Variants in IFIH1 observed in about 807,000 individuals in gnomAD.
IFIH1 encodes interferon-induced helicase C domain-containing protein 1.
IFIH1 carries 125 observed loss-of-function variants against 107.4 expected under a neutral mutation model. The ratio of observed to expected loss-of-function variants is 1.16; its 90% CI spans 1.01 to 1.35. The LOEUF (loss-of-function observed/expected upper bound fraction) is 1.35, where lower values mean the gene tolerates loss of function less well. IFIH1 is among the 40% of genes most tolerant of loss of function. The pLI, the probability that IFIH1 is intolerant of heterozygous loss-of-function variation, is 0.00. For synonymous variants in IFIH1, 458 were observed against 413.2 expected (o/e 1.11, Z -1.31); for missense variants, 1,333 against 1,213.7 (o/e 1.10, Z -1.46).
chr2:162,286,302 A>C (rs1417507664), intron 5 of IFIH1, among the ~76,000 whole-genome samples: 1 of 151,958 alleles, frequency 6.6e-6, no homozygotes, highest in Non-Finnish European at 1.5e-5. Context: ...TTGCAGAGGA[A>C]GGAACTCTAA....
At chr2:162,308,641 G>A (rs895393712) in intron 2 of IFIH1, among the ~76,000 whole-genome samples, 1 of 152,168 alleles carries the variant, frequency 6.6e-6, no homozygotes, top group Non-Finnish European at 1.5e-5. Flanking sequence ...GCCTCCCAAA[G>A]TGCTGGGATT....
intron 9 of IFIH1, among the ~76,000 whole-genome samples, chr2:162,277,975 T>G (rs1424348976): frequency 6.6e-6 from 1 of 152,152 alleles, no homozygotes; most frequent in African/African-American, 2.4e-5. Flanking sequence ...ACAGAGCTAT[T>G]AAAGTTTATC....
At chr2:162,296,228 A>G (rs752042254) in intron 3 of IFIH1, among the ~76,000 whole-genome samples, 3 of 152,108 alleles carry the variant, frequency 2.0e-5, no homozygotes, top group Non-Finnish European at 4.4e-5. Flanking sequence ...GGAGCTATTT[A>G]TGCAATGTGC....
intron 3 of IFIH1, among the ~76,000 whole-genome samples, chr2:162,304,960 A>G (rs1041272926): frequency 6.6e-6 from 1 of 152,206 alleles, no homozygotes. Context: ...ATATGTTTTT[A>G]AAAAGCAAAC....
In IFIH1 at chr2:162,277,419, A is replaced by T; in HGVS notation, c.2040T>A (p.Phe680Leu). ...ATATGTTACTTTGAATCTTACCAAAAAATAAAGTCATGAGAAATCTATCTG... is the reference window on the plus strand; with the variant it reads ...ATATGTTACTTTGAATCTTACCAAATAATAAAGTCATGAGAAATCTATCTG... ...DETDRFLMTL[F>L]FENNKMLKRL... The change falls in exon 10 of 16, where the codon TTT (phenylalanine) becomes TTA (leucine). Residue 680 changes from phenylalanine to leucine, a missense_variant. Coordinates refer to ENST00000649979, the MANE Select transcript of IFIH1 (RefSeq NM_022168.4). 1.2e-6 allele frequency: 2 copies of T among 1,606,156 alleles called. No homozygotes were observed. Among genetic ancestry groups the T allele is most frequent in the Non-Finnish European group, 1.7e-6 (2 of 1,174,624 alleles).
intron 4 of IFIH1, among the ~76,000 whole-genome samples, chr2:162,289,515 T>C (rs1444257861): frequency 6.6e-6 from 1 of 151,918 alleles, no homozygotes; most frequent in Non-Finnish European, 1.5e-5. Flanking sequence ...CCATATTTCA[T>C]CACACATGAA....
chr2:162,285,094 T>C (rs538945509), intron 5 of IFIH1, among the ~76,000 whole-genome samples: 1 of 152,068 alleles, frequency 6.6e-6, no homozygotes, highest in Admixed American at 6.6e-5. Flanking sequence ...GGGAGGTGTG[T>C]GGTCCTCTTG....
In IFIH1 at chr2:162,276,809, G is replaced by A. The variant is rs201193151; in HGVS notation, c.2182C>T (p.Arg728Ter). The change falls in exon 11 of 16, where the codon CGA becomes TGA. Residue 728 changes from arginine (R) to a stop codon, truncating the protein, a stop_gained. Transcript: ENST00000649979. LOFTEE classifies it high-confidence loss of function. ...TGGGAAAGCGCATATGCACTCTGTC[G>A]TGTTTTTGTAAAGATTATTCCTCGT... ...SARGIIFTKT[R>*]QSAYALSQWI... The A allele has an allele frequency of 2.3e-5, 37 of 1,613,844 alleles. 1 individual carries two copies. The highest frequency in any genetic ancestry group is 8.0e-5 in the African/African-American group (6 of 74,900).
intron 1 of IFIH1, among the ~76,000 whole-genome samples, chr2:162,314,471 TCTTTCTTTCTTTC>T: frequency 7.6e-6 from 1 of 131,994 alleles, no homozygotes; most frequent in South Asian, 2.2e-4. Context: ...TTTCTTTCTT[TCTTTCTTTCTTTC>T]TTTTTCTTTC....
At position 162,304,095 on chromosome 2, in the gene IFIH1, A is replaced by C. The variant is rs147747615; in HGVS notation, c.769+2614T>G. ...AAATGAAAAACAACAACAACAACAA[A>C]AAAAACTATCCTGTATAAGCTTTGC... On this transcript the variant is annotated intron_variant, in intron 3 of 15. Transcript: ENST00000649979. Among the ~76,000 whole-genome samples the C allele has an allele frequency of 5.3e-4, 80 of 152,306 alleles. No individual in the cohort carries two copies. The East Asian group carries it at 8.3e-3, about 16-fold the overall frequency.
At position 162,310,745 on chromosome 2, in the gene IFIH1, C is replaced by A; in HGVS notation, c.622+20G>T. 1 of 1,602,924 alleles carries A rather than the reference C, an allele frequency of 6.2e-7. No homozygotes were observed. The highest frequency in any genetic ancestry group is 8.5e-7 in the Non-Finnish European group (1 of 1,170,720). ...ACTAGGCAGAATTTGAAGAATCTTCCTCAGTAAAATTACAAATACCTGCAT... is the reference window on the plus strand; with the variant it reads ...ACTAGGCAGAATTTGAAGAATCTTCATCAGTAAAATTACAAATACCTGCAT... On this transcript the variant is annotated intron_variant, in intron 2 of 15. Transcript: ENST00000649979.
intron 13 of IFIH1, among the ~76,000 whole-genome samples, 186 bp downstream of exon 13, chr2:162,272,040 T>C (rs368362673): frequency 2.0e-5 from 3 of 152,322 alleles, no homozygotes; most frequent in East Asian, 1.9e-4. Context: ...AATGGCTCCC[T>C]GATAATTTCC....
At chr2:162,286,441 C>T (rs959401702) in intron 5 of IFIH1, among the ~76,000 whole-genome samples, 6 of 152,046 alleles carry the variant, frequency 3.9e-5, no homozygotes, top group African/African-American at 1.4e-4. Context: ...AGTGAGAGAA[C>T]CACTCTGCAA....
intron 2 of IFIH1, chr2:162,310,104 A>G (rs1328649485): frequency 1.3e-5 from 2 of 152,354 alleles, no homozygotes; most frequent in African/African-American, 2.4e-5. Flanking sequence ...TTTTTACAGC[A>G]AAGTTTTCAT....
chr2:162,306,934 T>C (rs1683291710), intron 2 of IFIH1, 79 bp from the exon 3 acceptor site: 2 of 1,306,848 alleles, frequency 1.5e-6, no homozygotes, highest in Non-Finnish European at 2.2e-6. Flanking sequence ...TATTGTTATT[T>C]TGAAAACAAA....
chr2:162,314,484 C>CTTTCTTTCTTTCTT (rs1553461384), intron 1 of IFIH1, among the ~76,000 whole-genome samples: 5 of 96,962 alleles, frequency 5.2e-5, no homozygotes, highest in African/African-American at 3.4e-4. Context: ...TTCTTTCTTT[C>CTTTCTTTCTTTCTT]TTTTTCTTTC....
intron 3 of IFIH1, among the ~76,000 whole-genome samples, chr2:162,295,603 C>T (rs1049529321): frequency 1.3e-5 from 2 of 151,956 alleles, no homozygotes; most frequent in African/African-American, 4.8e-5. Context: ...ATTAGCACAA[C>T]ATAAATATAC....
At chr2:162,270,555 G>A (rs1453421967) in intron 13 of IFIH1, among the ~76,000 whole-genome samples, 1 of 152,128 alleles carries the variant, frequency 6.6e-6, no homozygotes, top group East Asian at 1.9e-4. Flanking sequence ...TTTTAGGAGG[G>A]CAGGTTTCTT....
chr2:162,272,723 C>T (rs1256586790), intron 12 of IFIH1, among the ~76,000 whole-genome samples: 4 of 152,050 alleles, frequency 2.6e-5, no homozygotes, highest in South Asian at 2.1e-4. Context: ...ACTGAGGAGT[C>T]GTCTTTCTTG....
Sources: allele counts gnomAD v4.1 joint callset (sites outside exome capture counted in the v4.1 genomes callset), GRCh38; gene constraint gnomAD v4.1.1; transcripts MANE v1.5; gene names NCBI Gene and HGNC (gene_info 2026-07-23, HGNC 2026-07-21).